The following MACROD2 variants were observed in gnomAD, a reference collection of about 807,000 sequenced individuals.
MACROD2 encodes mono-ADP ribosylhydrolase 2.
Under a neutral mutation model 70.4 loss-of-function variants are expected in MACROD2, and 36 were observed. The ratio of observed to expected loss-of-function variants is 0.51; its 90% CI spans 0.39 to 0.68. The LOEUF (loss-of-function observed/expected upper bound fraction) is 0.68. MACROD2 is among the 30% of genes least tolerant of loss of function. The pLI, the probability that MACROD2 is intolerant of heterozygous loss-of-function variation, is 0.00. For synonymous variants in MACROD2, 172 were observed against 178.8 expected (o/e 0.96, Z 0.30); for missense variants, 496 against 538.4 (o/e 0.92, Z 0.78).
chr20:15,856,504 C>G (rs1294313549), intron 8 of MACROD2, among the ~76,000 whole-genome samples: 1 of 152,182 alleles, frequency 6.6e-6, no homozygotes, highest in Non-Finnish European at 1.5e-5. Flanking sequence ...TCCGAAATAT[C>G]TTATGTTTTT....
In MACROD2 at chr20:15,897,340, C is replaced by A. The variant is rs73614482; in HGVS notation, c.775+11529C>A. Among the ~76,000 whole-genome samples the A allele has an allele frequency of 3.9e-3, 591 of 152,082 alleles. 3 individuals carry two copies. Among genetic ancestry groups the A allele is most frequent in the South Asian group, 0.023 (112 of 4,810 alleles). On this transcript the variant is annotated intron_variant, in intron 10 of 17. Transcript: ENST00000684519. ...GTCTGTTTTGACAATCTACTCATTA[C>A]CTTTTGTGTTCCATAGTATCACTAT...
chr20:14,547,188 A>G lies in MACROD2; in HGVS notation c.301+53680A>G, dbSNP rs926362183. 3.5e-5 allele frequency: 13 copies of G among 371,958 alleles called. No homozygotes were observed. In the Middle Eastern group the frequency reaches 3.4e-3, roughly 96 times the overall value. The allele number at this position is 371,958 out of a possible 1,614,324, so 23.0% of individuals were successfully genotyped here. A position where few individuals can be genotyped will look rare whatever the true frequency, so the allele number is the denominator to read the frequency against. ...AAGTCAGATGAGAGAGCCTGGCTCA[A>G]TTAATCTTATAGGATGTAAGCAGTG... On this transcript the variant is annotated intron_variant, in intron 4 of 17. Transcript: ENST00000684519.
chr20:15,281,621 G>A (rs751500233), intron 6 of MACROD2, among the ~76,000 whole-genome samples: 2 of 152,214 alleles, frequency 1.3e-5, no homozygotes, highest in Non-Finnish European at 2.9e-5. Context: ...GATGCAAGAG[G>A]TGGGCTCCCA....
chr20:15,520,193 A>C (rs564031583), intron 8 of MACROD2, among the ~76,000 whole-genome samples: 1 of 152,354 alleles, frequency 6.6e-6, no homozygotes, highest in African/African-American at 2.4e-5. Context: ...GTTAATGTAG[A>C]TTACCATTTG....
Position 14,270,683 on chromosome 20 carries a change from TTC to T in MACROD2, c.271+184956_271+184957del, listed in dbSNP as rs1451159571. ...TTGCATTTTCTCAACTCAACTTTTT[TTC>T]CTATGTCATCCTTTCAAGACACTTC... On this transcript the variant is annotated intron_variant, in intron 3 of 17. Transcript: ENST00000684519. Among the ~76,000 whole-genome samples, 4 of 152,204 alleles carry T rather than the reference TTC, an allele frequency of 2.6e-5. 1 individual carries two copies. Among genetic ancestry groups the T allele is most frequent in the South Asian group, 4.1e-4 (2 of 4,830 alleles).
intron 5 of MACROD2, among the ~76,000 whole-genome samples, chr20:14,908,196 T>G (rs2122580318): frequency 6.6e-6 from 1 of 151,932 alleles, no homozygotes; most frequent in Admixed American, 6.6e-5. Context: ...ATACAAAAAT[T>G]AGCTGGGCGT....
At chr20:15,903,378 T>C (rs6034323) in intron 10 of MACROD2, among the ~76,000 whole-genome samples, 7,309 of 152,172 alleles carry the variant, frequency 0.048, 576 homozygotes, top group African/African-American at 0.17. Flanking sequence ...TCGAGGCGTC[T>C]GACTTACCCT....
At chr20:14,829,461 T>C (rs1012499477) in intron 5 of MACROD2, among the ~76,000 whole-genome samples, 1 of 151,896 alleles carries the variant, frequency 6.6e-6, no homozygotes, top group African/African-American at 2.4e-5. Flanking sequence ...ATCTCCAGGA[T>C]AGGGTTTCAT....
chr20:15,334,122 C>T, intron 6 of MACROD2, among the ~76,000 whole-genome samples: 1 of 151,726 alleles, frequency 6.6e-6, no homozygotes, highest in South Asian at 2.1e-4. Context: ...CATGAGCAAA[C>T]TGAAGGCTTC....
At chr20:14,684,129 G>T (rs1245649024) in intron 4 of MACROD2, among the ~76,000 whole-genome samples, 1 of 152,212 alleles carries the variant, frequency 6.6e-6, no homozygotes, top group African/African-American at 2.4e-5. Context: ...TTCTGGCAGA[G>T]TCGGAGCAGC....
At chr20:15,596,279 T>C (rs1013969745) in intron 8 of MACROD2, among the ~76,000 whole-genome samples, 1 of 152,188 alleles carries the variant, frequency 6.6e-6, no homozygotes, top group Non-Finnish European at 1.5e-5. Flanking sequence ...AGCAAAGAGC[T>C]CAACAGAAGA....
At chr20:15,691,778 T>G (rs1442104003) in intron 8 of MACROD2, among the ~76,000 whole-genome samples, 1 of 152,200 alleles carries the variant, frequency 6.6e-6, no homozygotes, top group African/African-American at 2.4e-5. Context: ...TGGGGTTCTT[T>G]CCTCCCACTG....
At chr20:15,350,491 C>T (rs944960287) in intron 6 of MACROD2, among the ~76,000 whole-genome samples, 2 of 152,122 alleles carry the variant, frequency 1.3e-5, no homozygotes, top group African/African-American at 2.4e-5. Flanking sequence ...ATTAAATATT[C>T]CCATAACCTT....
At chr20:14,732,473 G>T (rs2071610883) in intron 5 of MACROD2, among the ~76,000 whole-genome samples, 1 of 151,918 alleles carries the variant, frequency 6.6e-6, no homozygotes, top group Non-Finnish European at 1.5e-5. Context: ...TTTATGAAGG[G>T]GGAAAAAAAT....
At position 15,599,103 on chromosome 20, in the gene MACROD2, G is replaced by A. The variant is rs142306759; in HGVS notation, c.645+99256G>A. 3.8e-3 allele frequency among the ~76,000 whole-genome samples: 584 copies of A among 152,148 alleles called. 2 individuals are homozygous for A. The highest frequency in any genetic ancestry group is 0.014 in the Middle Eastern group (4 of 294). On this transcript the variant is annotated intron_variant, in intron 8 of 17. Coordinates refer to ENST00000684519, the MANE Select transcript of MACROD2 (RefSeq NM_001351661.2). ...AGTTTAAAGTGTTTAAATTGAGGCC[G>A]GCCGTGGTGGCTCATGCCTGTAATC...
chr20:15,101,698 T>C (rs1358069347), intron 5 of MACROD2, among the ~76,000 whole-genome samples: 1 of 151,974 alleles, frequency 6.6e-6, no homozygotes, highest in African/African-American at 2.4e-5. Context: ...TTTTCATTCC[T>C]ATTTAAGACT....
intron 5 of MACROD2, among the ~76,000 whole-genome samples, chr20:14,924,756 T>G (rs1195210206): frequency 1.3e-5 from 2 of 152,152 alleles, no homozygotes; most frequent in African/African-American, 2.4e-5. Flanking sequence ...CTGTGAAATC[T>G]GAGAGCAGTC....
intron 8 of MACROD2, among the ~76,000 whole-genome samples, chr20:15,857,249 T>C (rs2064367185): frequency 6.6e-6 from 1 of 152,156 alleles, no homozygotes; most frequent in African/African-American, 2.4e-5. Flanking sequence ...CCCTTGCCTG[T>C]CCATCTGGAC....
chr20:15,732,569 T>C (rs527872103), intron 8 of MACROD2, among the ~76,000 whole-genome samples: 2 of 152,362 alleles, frequency 1.3e-5, no homozygotes, highest in Non-Finnish European at 2.9e-5. Flanking sequence ...TTTTATTTAA[T>C]GAATTAGAAT....
Sources: gnomAD v4.1 joint callset for allele counts (sites outside exome capture counted in the v4.1 genomes callset) on GRCh38, gnomAD v4.1.1 for gene constraint, MANE v1.5 for transcripts, NCBI Gene and HGNC (gene_info 2026-07-23, HGNC 2026-07-21) for gene names.